MKRN2: variants seen among roughly 807,000 people sequenced by gnomAD.
MKRN2 encodes the protein E3 ubiquitin-protein ligase makorin-2.
Under a neutral mutation model 45.4 loss-of-function variants are expected in MKRN2, and 32 were observed. The observed-to-expected ratio is 0.70, with a 90% CI of 0.53 to 0.95. The LOEUF is 0.95. Among genes scored for constraint, MKRN2 ranks in the 40% least tolerant of loss-of-function variants. The probability of loss-of-function intolerance (pLI) is 0.00; values close to 1 mark genes in which losing one functional copy is unlikely to be tolerated. For synonymous variants in MKRN2, 206 were observed against 192.4 expected (o/e 1.07, Z -0.59); for missense variants, 526 against 536.7 (o/e 0.98, Z 0.20).
At chr3:12,560,113 T>C (rs2058024069) in intron 1 of MKRN2, among the ~76,000 whole-genome samples, 1 of 152,162 alleles carries the variant, frequency 6.6e-6, no homozygotes, top group African/African-American at 2.4e-5. Flanking sequence ...TGTTTAAAAA[T>C]TAAATAATAG....
Position 12,568,953 on chromosome 3 carries a change from C to T in MKRN2, c.105C>T (p.Thr35=). The T allele has an allele frequency of 6.2e-7, 1 of 1,614,164 alleles. No homozygotes were observed. The highest frequency in any genetic ancestry group is 2.2e-5 in the East Asian group (1 of 44,890). ...SHDLANSKPS[T]ICKYYQKGYC... ...ACTTGGCAAACAGCAAACCGTCCAC[C>T]ATCTGCAAGTACTACCAGAAGGGCT... Residue 35 remains threonine, a synonymous_variant, in exon 2 of 8, where the codon ACC becomes ACT. Coordinates refer to ENST00000170447, the MANE Select transcript of MKRN2 (RefSeq NM_014160.5).
chr3:12,576,933 GTTTTTTTTT>G (rs71063832), intron 6 of MKRN2, 192 bp downstream of exon 6: 3 of 55,992 alleles, frequency 5.4e-5, no homozygotes, highest in East Asian at 3.6e-4. Context: ...TAGTTTTGGT[GTTTTTTTTT>G]TTTTTTTTTT....
intron 1 of MKRN2, among the ~76,000 whole-genome samples, chr3:12,565,928 G>T (rs142890782): frequency 6.6e-6 from 1 of 152,210 alleles, no homozygotes; most frequent in East Asian, 1.9e-4. Context: ...CTGGAGTACA[G>T]TGGTGCAAAC....
In MKRN2 at chr3:12,576,933, G is replaced by GTTTTTTTTTTTT. The variant is rs71063832; in HGVS notation, c.968+205_968+216dup. 5.3e-3 allele frequency: 297 copies of GTTTTTTTTTTTT among 55,928 alleles called. 7 individuals are homozygous for GTTTTTTTTTTTT. Among genetic ancestry groups the GTTTTTTTTTTTT allele is most frequent in the African/African-American group, 0.015 (122 of 7,874 alleles). 3.5% of individuals were successfully genotyped at this position (55,928 alleles called of 1,614,324 possible). A position where few individuals can be genotyped will look rare whatever the true frequency, so the allele number is the denominator to read the frequency against. On this transcript the variant is annotated intron_variant, in intron 6 of 7. Transcript: ENST00000170447. ...TGATGTGGACCTGTTTAGTTTTGGT[G>GTTTTTTTTTTTT]TTTTTTTTTTTTTTTTTTTTTTTTC...
chr3:12,580,286 A>C (rs1326115048), intron 6 of MKRN2, among the ~76,000 whole-genome samples: 3 of 152,348 alleles, frequency 2.0e-5, no homozygotes, highest in East Asian at 1.9e-4. Flanking sequence ...GTTGTCCAGC[A>C]GGCTCTGGTG....
intron 3 of MKRN2, among the ~76,000 whole-genome samples, chr3:12,571,510 G>A (rs539468141): frequency 8.5e-5 from 13 of 152,316 alleles, no homozygotes; most frequent in African/African-American, 2.6e-4. Context: ...CAGCAAATGA[G>A]TAATCCTGTG....
chr3:12,572,590 G>A (rs1480968149), intron 4 of MKRN2, among the ~76,000 whole-genome samples: 1 of 145,882 alleles, frequency 6.9e-6, no homozygotes, highest in Non-Finnish European at 1.5e-5. Context: ...CAGTCATTTT[G>A]CCATTTTTTT....
chr3:12,580,564 T>TGCCTCA (rs1396986677), intron 6 of MKRN2, among the ~76,000 whole-genome samples: 14 of 151,524 alleles, frequency 9.2e-5, no homozygotes, highest in Middle Eastern at 3.2e-3. Context: ...GCAATTCTCC[T>TGCCTCA]GCCTCAGCCT....
intron 1 of MKRN2, 147 bp downstream of exon 1, chr3:12,557,323 A>C: frequency 8.5e-7 from 1 of 1,171,150 alleles, no homozygotes; most frequent in South Asian, 1.7e-5. Flanking sequence ...TGCGAGGCAG[A>C]GCGAGCGCTG....
intron 1 of MKRN2, among the ~76,000 whole-genome samples, chr3:12,557,421 C>T (rs1019274182): frequency 6.6e-6 from 1 of 152,252 alleles, no homozygotes; most frequent in Admixed American, 6.5e-5. Flanking sequence ...TGAAGCGTGG[C>T]CCCTGTGGGC....
intron 1 of MKRN2, among the ~76,000 whole-genome samples, chr3:12,560,161 C>A (rs908810091): frequency 6.6e-6 from 1 of 152,188 alleles, no homozygotes; most frequent in Non-Finnish European, 1.5e-5. Flanking sequence ...TGAGCACTTA[C>A]ATGCATTTTC....
intron 1 of MKRN2, among the ~76,000 whole-genome samples, chr3:12,558,964 C>T (rs1239698642): frequency 6.6e-6 from 1 of 152,276 alleles, no homozygotes; most frequent in Non-Finnish European, 1.5e-5. Context: ...CATTTAGCTT[C>T]CAAGTGACAG....
At chr3:12,557,730 A>G (rs1219924075) in intron 1 of MKRN2, among the ~76,000 whole-genome samples, 2 of 152,234 alleles carry the variant, frequency 1.3e-5, no homozygotes, top group East Asian at 3.8e-4. Context: ...CATATTTCCA[A>G]GTCCTTTATA....
In MKRN2 at chr3:12,565,711, A is replaced by G. The variant is rs1425634677; in HGVS notation, c.27-3164A>G. Among the ~76,000 whole-genome samples, 10 of 151,490 alleles carry G rather than the reference A, an allele frequency of 6.6e-5. No individual in the cohort carries two copies. In the East Asian group the frequency reaches 1.6e-3, roughly 24 times the overall value. ...CTACCGTGCCTGGCTAATTTTTTGTATATTTTTTGGTAGAGACGAGGTTTC... is the reference window on the plus strand; with the variant it reads ...CTACCGTGCCTGGCTAATTTTTTGTGTATTTTTTGGTAGAGACGAGGTTTC... On this transcript the variant is annotated intron_variant, in intron 1 of 7. Transcript: ENST00000170447.
Position 12,581,896 on chromosome 3 carries a change from C to T in MKRN2, c.1057C>T (p.Arg353Trp), listed in dbSNP as rs1303067523. 8 of 1,614,052 alleles carry T rather than the reference C, an allele frequency of 5.0e-6. No homozygotes were observed. Among genetic ancestry groups the T allele is most frequent in the Non-Finnish European group, 5.9e-6 (7 of 1,180,056 alleles). Residue 353 changes from arginine to tryptophan, a missense_variant, in exon 7 of 8, where the codon CGG becomes TGG. Transcript: ENST00000170447. ...TTATCGCCATGCTTACCCCGATGGG[C>T]GGCTAGCAGAGCCTGAGAAACCTCG... ...CLYRHAYPDG[R>W]LAEPEKPRKQ...
chr3:12,571,107 T>G lies in MKRN2; in HGVS notation c.337+855T>G, dbSNP rs900620610. ...GCTACAAATTGTAAAAGTTTTTTTGTTGTGTTTTTTGTTTGTTTTGTTTTT... is the reference window on the plus strand; with the variant it reads ...GCTACAAATTGTAAAAGTTTTTTTGGTGTGTTTTTTGTTTGTTTTGTTTTT... On this transcript the variant is annotated intron_variant, in intron 3 of 7. Transcript: ENST00000170447. 3.0e-5 allele frequency among the ~76,000 whole-genome samples: 3 copies of G among 99,156 alleles called. No homozygotes were observed. In the South Asian group the frequency reaches 6.8e-4, roughly 23 times the overall value. 65.1% of individuals were successfully genotyped at this position (99,156 alleles called of 152,430 possible).
chr3:12,580,539 A>G (rs1251491117), intron 6 of MKRN2, among the ~76,000 whole-genome samples: 1 of 136,072 alleles, frequency 7.3e-6, no homozygotes, highest in East Asian at 2.3e-4. Context: ...TGCAGCCTCC[A>G]CCTCCTGGGT....
chr3:12,581,753 G>A (rs1228773883), intron 6 of MKRN2, 55 bp from the exon 7 acceptor site: 1 of 1,599,290 alleles, frequency 6.3e-7, no homozygotes, highest in Non-Finnish European at 8.5e-7. Context: ...CAGTGGCCCA[G>A]TTTGGACCCC....
At chr3:12,577,198 C>G (rs2058146986) in intron 6 of MKRN2, 1 of 152,662 alleles carries the variant, frequency 6.6e-6, no homozygotes, top group Non-Finnish European at 1.5e-5. Flanking sequence ...CTCGGCCTCC[C>G]AAAGTGCTGG....
Sources: allele counts gnomAD v4.1 joint callset (sites outside exome capture counted in the v4.1 genomes callset), GRCh38; gene constraint gnomAD v4.1.1; transcripts MANE v1.5; gene names NCBI Gene and HGNC (gene_info 2026-07-23, HGNC 2026-07-21).